THRB: variants seen among roughly 807,000 people sequenced by gnomAD.
THRB encodes the protein nuclear receptor subfamily 1 group A member 2.
In THRB, 12 loss-of-function variants were observed where a neutral mutation model predicts 47.8. That is an observed-to-expected ratio of 0.25 (90% CI 0.16 to 0.41). The LOEUF is 0.41. Ranked by LOEUF, THRB falls within the 10% of genes least tolerant of loss-of-function variation. The probability of loss-of-function intolerance (pLI) is 1.00; values close to 1 mark genes in which losing one functional copy is unlikely to be tolerated. For missense variants in THRB, 348 were observed against 589.2 expected, an observed-to-expected ratio of 0.59 and a Z score of 4.24; for synonymous variants, 218 against 212.2, an observed-to-expected ratio of 1.03 and a Z score of -0.24.
intron 1 of THRB, among the ~76,000 whole-genome samples, chr3:24,397,715 T>C (rs1473246105): frequency 1.3e-5 from 2 of 151,908 alleles, no homozygotes; most frequent in African/African-American, 2.4e-5. Context: ...CCCAAGTAGT[T>C]GAGATTACAG....
intron 3 of THRB, among the ~76,000 whole-genome samples, chr3:24,262,021 T>A (rs906329473): frequency 1.3e-5 from 2 of 152,204 alleles, no homozygotes; most frequent in Non-Finnish European, 2.9e-5. Flanking sequence ...TAAGGTTACA[T>A]TTCCCAAATA....
chr3:24,170,795 A>G (rs996948959), intron 5 of THRB, among the ~76,000 whole-genome samples: 1 of 152,106 alleles, frequency 6.6e-6, no homozygotes, highest in African/African-American at 2.4e-5. Context: ...CTTCATATAC[A>G]TAACAACACT....
chr3:24,222,915 T>C (rs1451270577), intron 4 of THRB, among the ~76,000 whole-genome samples: 1 of 152,184 alleles, frequency 6.6e-6, no homozygotes, highest in Admixed American at 6.5e-5. Flanking sequence ...TTTGGTCACA[T>C]CTGGGGAGAC....
intron 1 of THRB, among the ~76,000 whole-genome samples, chr3:24,484,983 C>G (rs1697075785): frequency 6.6e-6 from 1 of 152,136 alleles, no homozygotes; most frequent in Non-Finnish European, 1.5e-5. Context: ...TTCATTCATT[C>G]ATTATCTTCA....
chr3:24,154,383 C>A (rs906042295), intron 5 of THRB, among the ~76,000 whole-genome samples: 3 of 152,108 alleles, frequency 2.0e-5, no homozygotes, highest in African/African-American at 7.2e-5. Flanking sequence ...GTTCTAGGTG[C>A]TGAAAATACA....
chr3:24,489,190 C>T (rs926054520), intron 1 of THRB, among the ~76,000 whole-genome samples: 3 of 151,294 alleles, frequency 2.0e-5, no homozygotes, highest in African/African-American at 7.3e-5. Context: ...TGCAGTGAGC[C>T]GAGGTTGCAC....
intron 3 of THRB, among the ~76,000 whole-genome samples, chr3:24,285,889 A>C (rs1379294057): frequency 1.3e-5 from 2 of 152,130 alleles, no homozygotes; most frequent in African/African-American, 2.4e-5. Flanking sequence ...CCTCTGCCCA[A>C]ATCCACATGT....
chr3:24,294,818 C>G (rs184551057), intron 3 of THRB, among the ~76,000 whole-genome samples: 1 of 152,316 alleles, frequency 6.6e-6, no homozygotes, highest in Admixed American at 6.5e-5. Context: ...TCAAATGACA[C>G]AAATCTTATT....
intron 2 of THRB, among the ~76,000 whole-genome samples, chr3:24,307,011 T>C (rs888164122): frequency 1.3e-5 from 2 of 151,856 alleles, no homozygotes; most frequent in Non-Finnish European, 2.9e-5. Flanking sequence ...AATAAAAAAA[T>C]GAATCATATG....
chr3:24,269,622 G>A (rs959836577), intron 3 of THRB, among the ~76,000 whole-genome samples: 7 of 143,778 alleles, frequency 4.9e-5, no homozygotes, highest in Non-Finnish European at 9.0e-5. Flanking sequence ...TTTTTGTAGA[G>A]ACAGAATCTC....
At chr3:24,187,857 A>C (rs184564071) in intron 5 of THRB, among the ~76,000 whole-genome samples, 62 of 152,276 alleles carry the variant, frequency 4.1e-4, no homozygotes, top group Admixed American at 1.3e-3. Context: ...ATTTTGAATG[A>C]ATGGTATTTA....
intron 8 of THRB, among the ~76,000 whole-genome samples, chr3:24,136,660 C>T (rs1230600920): frequency 6.6e-6 from 1 of 152,196 alleles, no homozygotes; most frequent in African/African-American, 2.4e-5. Flanking sequence ...CAAGATCAAG[C>T]TCCAATACTG....
chr3:24,407,332 C>T (rs2067906191), intron 1 of THRB, among the ~76,000 whole-genome samples: 1 of 119,858 alleles, frequency 8.3e-6, no homozygotes, highest in African/African-American at 3.5e-5. Context: ...TGCCTAGATC[C>T]ACAGATTGCA....
Position 24,229,312 on chromosome 3 carries a change from G to A in THRB, c.-42-311C>T, listed in dbSNP as rs112322618. Among the ~76,000 whole-genome samples, 283 of 152,264 alleles carry A rather than the reference G, an allele frequency of 1.9e-3. 2 individuals are homozygous for A. Among genetic ancestry groups the A allele is most frequent in the Middle Eastern group, 0.017 (5 of 294 alleles). ...AGATTTGCTGTTTATCCCAAGAGTG[G>A]CTAAGATGTATTAGCATCTCTAATC... On this transcript the variant is annotated intron_variant, in intron 3 of 10. Coordinates refer to ENST00000646209, the MANE Select transcript of THRB (RefSeq NM_001354712.2).
intron 1 of THRB, among the ~76,000 whole-genome samples, chr3:24,402,523 A>G (rs2067498060): frequency 6.7e-6 from 1 of 148,844 alleles, no homozygotes; most frequent in African/African-American, 2.5e-5. Flanking sequence ...TTTGGTAACA[A>G]CATATTTCCT....
chr3:24,439,018 G>A (rs917939392), intron 1 of THRB, among the ~76,000 whole-genome samples: 1 of 152,210 alleles, frequency 6.6e-6, no homozygotes, highest in East Asian at 1.9e-4. Flanking sequence ...TAGAAGTCTA[G>A]TCTGATCCCA....
intron 1 of THRB, among the ~76,000 whole-genome samples, chr3:24,343,832 T>TA (rs990419672): frequency 1.3e-5 from 2 of 150,988 alleles, no homozygotes; most frequent in African/African-American, 4.8e-5. Flanking sequence ...TATTGACTGT[T>TA]CTTTAGTTTC....
In THRB at chr3:24,204,822, C is replaced by T. The variant is rs370935330; in HGVS notation, c.23-14488G>A. Among the ~76,000 whole-genome samples the T allele has an allele frequency of 5.5e-4, 83 of 152,224 alleles. No homozygotes were observed. In the South Asian group the frequency reaches 6.4e-3, roughly 12 times the overall value. ...GAAGTCCTTAAATGACCCGATGGAG[C>T]GGAAAACCATGGCGCAAGAACTACG... On this transcript the variant is annotated intron_variant, in intron 4 of 10. Coordinates refer to ENST00000646209, the MANE Select transcript of THRB (RefSeq NM_001354712.2).
At chr3:24,140,942 C>A (rs2035362489) in intron 8 of THRB, among the ~76,000 whole-genome samples, 1 of 152,130 alleles carries the variant, frequency 6.6e-6, no homozygotes, top group Non-Finnish European at 1.5e-5. Flanking sequence ...TTATCCCAGG[C>A]ACAGAAGGGG....
Sources: gnomAD v4.1 joint callset for allele counts (sites outside exome capture counted in the v4.1 genomes callset) on GRCh38, gnomAD v4.1.1 for gene constraint, MANE v1.5 for transcripts, NCBI Gene and HGNC (gene_info 2026-07-23, HGNC 2026-07-21) for gene names.